Variants in ARHGEF7 observed in about 807,000 individuals in gnomAD.
ARHGEF7 encodes the protein Rho guanine nucleotide exchange factor 7.
ARHGEF7 carries 33 observed loss-of-function variants against 109.8 expected under a neutral mutation model. The ratio of observed to expected loss-of-function variants is 0.30; its 90% CI spans 0.23 to 0.40. The LOEUF (loss-of-function observed/expected upper bound fraction) is 0.40. Ranked by LOEUF, ARHGEF7 falls within the 10% of genes least tolerant of loss-of-function variation. ARHGEF7 has a pLI of 1.00. For synonymous variants in ARHGEF7, 458 were observed against 424.6 expected, an observed-to-expected ratio of 1.08 and a Z score of -0.97; for missense variants, 938 against 1,098.5, an observed-to-expected ratio of 0.85 and a Z score of 2.07.
rs370250592 is a variant in ARHGEF7 at position 111,248,649 on chromosome 13, A to G, written c.950+4355A>G. On this transcript the variant is annotated intron_variant, in intron 8 of 21. Coordinates refer to ENST00000646102, the MANE Select transcript of ARHGEF7 (RefSeq NM_001354046.2). ...ACTCTCTTGTTCGTCCCCGTGCAACAAGTTTTTAGTTTGAGAATTTTTTTC... is the reference window on the plus strand; with the variant it reads ...ACTCTCTTGTTCGTCCCCGTGCAACGAGTTTTTAGTTTGAGAATTTTTTTC... Among the ~76,000 whole-genome samples, 5 of 152,138 alleles carry G rather than the reference A, an allele frequency of 3.3e-5. No homozygotes were observed. In the East Asian group the frequency reaches 9.6e-4, roughly 29 times the overall value.
At chr13:111,257,352 T>C (rs2090552832) in intron 8 of ARHGEF7, among the ~76,000 whole-genome samples, 1 of 152,278 alleles carries the variant, frequency 6.6e-6, no homozygotes. Context: ...ATCAGTAGAC[T>C]GAGTTCCCAT....
chr13:111,265,317 C>T (rs2091522987), intron 8 of ARHGEF7, among the ~76,000 whole-genome samples: 1 of 152,136 alleles, frequency 6.6e-6, no homozygotes. Context: ...AGAACAGGAA[C>T]AGTCTTTTTG....
chr13:111,139,938 A>G (rs560884921), intron 1 of ARHGEF7, among the ~76,000 whole-genome samples: 2 of 152,326 alleles, frequency 1.3e-5, no homozygotes, highest in East Asian at 1.9e-4. Flanking sequence ...AACTAAGACA[A>G]TCTTTCATTT....
At chr13:111,262,376 T>C (rs779268983) in intron 8 of ARHGEF7, among the ~76,000 whole-genome samples, 13 of 152,118 alleles carry the variant, frequency 8.5e-5, no homozygotes, top group Non-Finnish European at 1.6e-4. Context: ...AGAGGTCATG[T>C]GGTTACAGGG....
chr13:111,223,149 G>C (rs2084700660), intron 5 of ARHGEF7, among the ~76,000 whole-genome samples: 1 of 152,194 alleles, frequency 6.6e-6, no homozygotes, highest in African/African-American at 2.4e-5. Flanking sequence ...GGGCAGTCTT[G>C]TGGGTACCCC....
chr13:111,292,725 G>T, intron 19 of ARHGEF7: 1 of 1,026,970 alleles, frequency 9.7e-7, no homozygotes, highest in Non-Finnish European at 1.2e-6. Context: ...CCATGGAGGA[G>T]ACTCTGGCCT....
chr13:111,250,188 C>G (rs539774255), intron 8 of ARHGEF7, among the ~76,000 whole-genome samples: 1 of 152,342 alleles, frequency 6.6e-6, no homozygotes, highest in South Asian at 2.1e-4. Context: ...ACAATAGAAA[C>G]TGCAATCTGC....
intron 1 of ARHGEF7, among the ~76,000 whole-genome samples, chr13:111,130,669 G>A (rs1042789972): frequency 2.0e-5 from 3 of 152,244 alleles, no homozygotes; most frequent in African/African-American, 7.2e-5. Context: ...AGAATAACGT[G>A]AAAAGAATTA....
intron 2 of ARHGEF7, among the ~76,000 whole-genome samples, chr13:111,157,066 T>C (rs967067373): frequency 1.3e-5 from 2 of 152,152 alleles, no homozygotes; most frequent in Non-Finnish European, 2.9e-5. Flanking sequence ...CTGTAGAAAA[T>C]CAGATATTAT....
intron 8 of ARHGEF7, among the ~76,000 whole-genome samples, chr13:111,249,218 G>T (rs2089390078): frequency 6.6e-6 from 1 of 152,126 alleles, no homozygotes; most frequent in South Asian, 2.1e-4. Context: ...AAAGTTGGCT[G>T]CCATTAGCTT....
chr13:111,253,500 A>G (rs1000156466), intron 8 of ARHGEF7, among the ~76,000 whole-genome samples: 1 of 152,172 alleles, frequency 6.6e-6, no homozygotes, highest in African/African-American at 2.4e-5. Flanking sequence ...GTGTTGTAAT[A>G]CTTCCCCTAA....
chr13:111,204,538 G>A (rs9555781), intron 2 of ARHGEF7, among the ~76,000 whole-genome samples: 25,305 of 152,108 alleles, frequency 0.17, 3,027 homozygotes, highest in East Asian at 0.69. Flanking sequence ...GTGTGCACAC[G>A]CGTTCTAGAC....
intron 15 of ARHGEF7, chr13:111,282,908 G>T: frequency 1.6e-6 from 1 of 633,636 alleles, no homozygotes; most frequent in South Asian, 2.0e-5. Context: ...TGCCCCTCCT[G>T]TCTGGGGCAG....
intron 1 of ARHGEF7, among the ~76,000 whole-genome samples, chr13:111,133,446 A>G (rs1442366860): frequency 6.6e-6 from 1 of 151,986 alleles, no homozygotes; most frequent in East Asian, 1.9e-4. Flanking sequence ...TTATGGGCGG[A>G]AAATATCTGG....
chr13:111,227,485 A>C (rs564902971), intron 5 of ARHGEF7, among the ~76,000 whole-genome samples: 11 of 152,398 alleles, frequency 7.2e-5, no homozygotes, highest in African/African-American at 2.6e-4. Flanking sequence ...GATGATTGTT[A>C]GCATTTTTTT....
At chr13:111,169,747 TACAGTA>T (rs1456118265) in intron 2 of ARHGEF7, among the ~76,000 whole-genome samples, 6 of 152,194 alleles carry the variant, frequency 3.9e-5, no homozygotes, top group African/African-American at 1.4e-4. Context: ...TTTATGCTGT[TACAGTA>T]ATGAACATTT....
intron 4 of ARHGEF7, among the ~76,000 whole-genome samples, chr13:111,213,349 T>C (rs1181962043): frequency 6.6e-6 from 1 of 152,190 alleles, no homozygotes; most frequent in Non-Finnish European, 1.5e-5. Context: ...AGTTACTAAA[T>C]TTTATTGACA....
chr13:111,224,432 C>T (rs1014084097), intron 5 of ARHGEF7, among the ~76,000 whole-genome samples: 1 of 152,230 alleles, frequency 6.6e-6, no homozygotes, highest in African/African-American at 2.4e-5. Flanking sequence ...TGCATGTGGA[C>T]TCAGGCTTTT....
At chr13:111,169,707 A>G (rs1445237068) in intron 2 of ARHGEF7, among the ~76,000 whole-genome samples, 1 of 152,096 alleles carries the variant, frequency 6.6e-6, no homozygotes, top group Admixed American at 6.5e-5. Context: ...TATATTTTTA[A>G]CTTTGGAGTC....
Sources: gnomAD v4.1 joint callset for allele counts (sites outside exome capture counted in the v4.1 genomes callset) on GRCh38, gnomAD v4.1.1 for gene constraint, MANE v1.5 for transcripts, NCBI Gene and HGNC (gene_info 2026-07-23, HGNC 2026-07-21) for gene names.